The following SLC44A5 variants were observed in gnomAD, a reference collection of about 807,000 sequenced individuals.
The protein encoded by SLC44A5 is solute carrier family 44 member 5.
Under a neutral mutation model 101.8 loss-of-function variants are expected in SLC44A5, and 57 were observed. The observed-to-expected ratio is 0.56, with a 90% confidence interval of 0.45 to 0.70. The LOEUF (loss-of-function observed/expected upper bound fraction) is 0.70, where lower values mean the gene tolerates loss of function less well. SLC44A5 is among the 30% of genes least tolerant of loss of function. The pLI, the probability that SLC44A5 is intolerant of heterozygous loss-of-function variation, is 0.00. For missense variants in SLC44A5, 737 were observed against 853.1 expected, an observed-to-expected ratio of 0.86 and a Z score of 1.70; for synonymous variants, 281 against 290.9, an observed-to-expected ratio of 0.97 and a Z score of 0.35.
At chr1:75,408,360 T>G (rs1455505251) in intron 2 of SLC44A5, among the ~76,000 whole-genome samples, 1 of 152,228 alleles carries the variant, frequency 6.6e-6, no homozygotes, top group Admixed American at 6.5e-5. Context: ...ATCCTATTAC[T>G]GGGTATATAC....
At chr1:75,679,083 AC>A in the SLC44A5 span, among the ~76,000 whole-genome samples, 2 of 152,128 alleles carry the variant, frequency 1.3e-5, no homozygotes, top group African/African-American at 4.8e-5. Context: ...AAAGAAAGGA[AC>A]AAAGCCTCCA....
chr1:75,412,879 G>T (rs1330209909), intron 2 of SLC44A5, among the ~76,000 whole-genome samples: 1 of 152,056 alleles, frequency 6.6e-6, no homozygotes, highest in Non-Finnish European at 1.5e-5. Context: ...CATTGATACT[G>T]CCATGGCTCA....
chr1:75,403,377 C>T lies in SLC44A5; in HGVS notation c.14-6756G>A, dbSNP rs138757903. ...GACAGACTGCCTCCTCAAGTGGGCC[C>T]CTGACCCCTGTGCCTCCTGACTGGG... On this transcript the variant is annotated intron_variant, in intron 2 of 23. Coordinates refer to ENST00000370859, the MANE Select transcript of SLC44A5 (RefSeq NM_001130058.2). Among the ~76,000 whole-genome samples the T allele has an allele frequency of 5.3e-3, 813 of 152,278 alleles. 12 individuals are homozygous for T. Among genetic ancestry groups the T allele is most frequent in the Admixed American group, 0.029 (451 of 15,304 alleles).
At chr1:75,286,854 C>T (rs112126655) in intron 5 of SLC44A5, among the ~76,000 whole-genome samples, 93 of 152,192 alleles carry the variant, frequency 6.1e-4, no homozygotes, top group Admixed American at 4.6e-4. Context: ...TATAGGTTAC[C>T]TGATGCTTTT....
In SLC44A5 at chr1:75,238,534, A is replaced by G. The variant is rs377139681; in HGVS notation, c.635T>C (p.Val212Ala). The G allele has an allele frequency of 1.0e-5, 16 of 1,603,430 alleles. No individual in the cohort carries two copies. Among genetic ancestry groups the G allele is most frequent in the Non-Finnish European group, 1.4e-5 (16 of 1,175,536 alleles). ...QDGNGGTRSV[V>A]ELGIAANGIN... ...ATACTTTGCAGCAATCCCGAGTTCT[A>G]CAACACTTCTTGTCCCTCCATTTCC... The change falls in exon 10 of 24, where the codon GTA becomes GCA. Residue 212 changes from valine to alanine, a missense_variant. Around this residue, in one of 3 missense-constraint regions of SLC44A5, gnomAD observed 665 missense variants for 764.4 expected, o/e 0.87. Coordinates refer to ENST00000370859, the MANE Select transcript of SLC44A5 (RefSeq NM_001130058.2).
chr1:75,376,935 T>A (rs980947376), intron 3 of SLC44A5, among the ~76,000 whole-genome samples: 21 of 152,038 alleles, frequency 1.4e-4, no homozygotes, highest in African/African-American at 5.1e-4. Flanking sequence ...TTGAAAAAAA[T>A]TTAGAAGAAT....
chr1:75,246,889 G>A (rs1649155405), intron 7 of SLC44A5, among the ~76,000 whole-genome samples: 1 of 152,030 alleles, frequency 6.6e-6, no homozygotes, highest in Admixed American at 6.6e-5. Flanking sequence ...TGTGACCCAA[G>A]TGTAGTGAGA....
At position 75,337,845 on chromosome 1, in the gene SLC44A5, C is replaced by T. The variant is rs550149913; in HGVS notation, c.101+1737G>A. Reference sequence around the variant, plus strand: ...AAGAAAGCAGAACATAGTGGACTGACAAGCAGAGAATGCTGTAAGAGTCTG... The same window carrying T: ...AAGAAAGCAGAACATAGTGGACTGATAAGCAGAGAATGCTGTAAGAGTCTG... On this transcript the variant is annotated intron_variant, in intron 4 of 23. Transcript: ENST00000370859. Among the ~76,000 whole-genome samples the T allele has an allele frequency of 2.6e-5, 4 of 152,254 alleles. No homozygotes were observed. The East Asian group carries it at 7.7e-4, about 29-fold the overall frequency.
chr1:75,288,583 A>G (rs1027263886), intron 5 of SLC44A5, among the ~76,000 whole-genome samples: 1 of 152,214 alleles, frequency 6.6e-6, no homozygotes, highest in Non-Finnish European at 1.5e-5. Context: ...GAGAAACTAT[A>G]TATGATACTG....
At chr1:75,274,624 T>C (rs1399805637) in intron 6 of SLC44A5, among the ~76,000 whole-genome samples, 1 of 152,176 alleles carries the variant, frequency 6.6e-6, no homozygotes, top group African/African-American at 2.4e-5. Flanking sequence ...TAGCAGCTAC[T>C]CATACCTCAG....
intron 3 of SLC44A5, among the ~76,000 whole-genome samples, chr1:75,340,924 T>C (rs1029923622): frequency 4.6e-5 from 7 of 152,238 alleles, no homozygotes; most frequent in African/African-American, 1.7e-4. Flanking sequence ...GCATTTATCT[T>C]GTGGTCTAGT....
chr1:75,216,855 T>C (rs1217973879), intron 18 of SLC44A5, among the ~76,000 whole-genome samples: 1 of 152,056 alleles, frequency 6.6e-6, no homozygotes, highest in Admixed American at 6.6e-5. Flanking sequence ...TGGATATGAA[T>C]TCCTTATCTG....
chr1:75,500,610 T>C (rs534849713), intron 2 of SLC44A5, among the ~76,000 whole-genome samples: 51 of 152,270 alleles, frequency 3.3e-4, no homozygotes, highest in African/African-American at 1.2e-3. Context: ...CTTTACAATA[T>C]TAGAACCATT....
At chr1:75,311,000 A>T (rs1036834402) in intron 4 of SLC44A5, among the ~76,000 whole-genome samples, 1 of 152,058 alleles carries the variant, frequency 6.6e-6, no homozygotes, top group African/African-American at 2.4e-5. Context: ...TTGAGTATTA[A>T]AATATAAATT....
Position 75,598,365 on chromosome 1 carries a change from G to T in SLC44A5, c.-70+12675C>A, listed in dbSNP as rs146741210. 6.5e-3 allele frequency among the ~76,000 whole-genome samples: 992 copies of T among 152,298 alleles called. 12 individuals are homozygous for T. The highest frequency in any genetic ancestry group is 0.023 in the African/African-American group (944 of 41,556). On this transcript the variant is annotated intron_variant, in intron 1 of 23. Transcript: ENST00000370859. ...TTCAACCATTGTGGAAGACATTGTGGCAATGCCTCAAAGAGCTAAAAAGAG... is the reference window on the plus strand; with the variant it reads ...TTCAACCATTGTGGAAGACATTGTGTCAATGCCTCAAAGAGCTAAAAAGAG...
intron 6 of SLC44A5, among the ~76,000 whole-genome samples, chr1:75,262,680 C>G (rs1650627546): frequency 6.6e-6 from 1 of 152,148 alleles, no homozygotes; most frequent in African/African-American, 2.4e-5. Context: ...CCAAGACAAT[C>G]CTAAGCCAAA....
At chr1:75,223,454 C>T (rs1279191588) in intron 13 of SLC44A5, among the ~76,000 whole-genome samples, 1 of 152,126 alleles carries the variant, frequency 6.6e-6, no homozygotes, top group Non-Finnish European at 1.5e-5. Context: ...TGAAGAAACA[C>T]TTCATTAAAT....
chr1:75,700,355 CT>C, the SLC44A5 span, among the ~76,000 whole-genome samples: 1 of 151,886 alleles, frequency 6.6e-6, no homozygotes, highest in East Asian at 1.9e-4. Context: ...AAGAAACTCA[CT>C]CAAAACCGCT....
At chr1:75,546,146 C>G (rs1671643058) in intron 1 of SLC44A5, among the ~76,000 whole-genome samples, 1 of 152,012 alleles carries the variant, frequency 6.6e-6, no homozygotes, top group African/African-American at 2.4e-5. Flanking sequence ...AAGTTCTTCT[C>G]CTTAGTTTGT....
Sources: allele counts gnomAD v4.1 joint callset (sites outside exome capture counted in the v4.1 genomes callset), GRCh38; gene constraint gnomAD v4.1.1; regional missense constraint gnomAD v4.1.1; transcripts MANE v1.5; gene names NCBI Gene and HGNC (gene_info 2026-07-23, HGNC 2026-07-21).